ANKS1B: variants seen among roughly 807,000 people sequenced by gnomAD.
ANKS1B encodes ankyrin repeat and sterile alpha motif domain containing 1B, also known as ankyrin repeat and sterile alpha motif domain-containing protein 1B.
Under a neutral mutation model 148.3 loss-of-function variants are expected in ANKS1B, and 36 were observed. The ratio of observed to expected loss-of-function variants is 0.24; its 90% CI spans 0.19 to 0.32. The LOEUF (loss-of-function observed/expected upper bound fraction) is 0.32. ANKS1B is among the 10% of genes least tolerant of loss of function. The probability of loss-of-function intolerance (pLI) is 1.00; values close to 1 mark genes in which losing one functional copy is unlikely to be tolerated. For missense variants in ANKS1B, 1,157 were observed against 1,542.6 expected, an observed-to-expected ratio of 0.75 and a Z score of 4.19; for synonymous variants, 542 against 560.8, an observed-to-expected ratio of 0.97 and a Z score of 0.47.
At chr12:99,352,486 A>T (rs1474729638) in intron 12 of ANKS1B, among the ~76,000 whole-genome samples, 2 of 152,064 alleles carry the variant, frequency 1.3e-5, no homozygotes, top group African/African-American at 4.8e-5. Context: ...CACTGACTTG[A>T]GTTCTGGCAT....
chr12:99,293,564 A>G (rs1435955177), intron 12 of ANKS1B, among the ~76,000 whole-genome samples: 1 of 152,214 alleles, frequency 6.6e-6, no homozygotes, highest in Non-Finnish European at 1.5e-5. Flanking sequence ...ATTTCAAGCT[A>G]TGAAACTACT....
At chr12:98,839,129 T>C (rs2099391468) in intron 17 of ANKS1B, among the ~76,000 whole-genome samples, 1 of 152,252 alleles carries the variant, frequency 6.6e-6, no homozygotes, top group African/African-American at 2.4e-5. Flanking sequence ...CATTTGGTTC[T>C]TCTCTTACTC....
intron 1 of ANKS1B, among the ~76,000 whole-genome samples, chr12:99,864,135 T>A (rs1038710429): frequency 6.7e-6 from 1 of 149,978 alleles, no homozygotes; most frequent in African/African-American, 2.5e-5. Context: ...TGTTATGTAA[T>A]TCCATCCCAA....
At chr12:99,806,890 T>G (rs2067690375) in intron 3 of ANKS1B, among the ~76,000 whole-genome samples, 190 bp from the exon 4 acceptor site, 1 of 152,220 alleles carries the variant, frequency 6.6e-6, no homozygotes, top group Non-Finnish European at 1.5e-5. Flanking sequence ...AAAAAATTTT[T>G]TATATCACTT....
chr12:99,082,120 T>G (rs1260364956), intron 16 of ANKS1B, among the ~76,000 whole-genome samples: 1 of 152,156 alleles, frequency 6.6e-6, no homozygotes, highest in Non-Finnish European at 1.5e-5. Flanking sequence ...ACAGGTGCTA[T>G]TCTAGAGGCT....
At chr12:99,468,752 A>G (rs2096181816) in intron 10 of ANKS1B, among the ~76,000 whole-genome samples, 1 of 152,162 alleles carries the variant, frequency 6.6e-6, no homozygotes, top group Admixed American at 6.6e-5. Context: ...ACCATCTCAC[A>G]CCAGTTAGAA....
intron 15 of ANKS1B, among the ~76,000 whole-genome samples, chr12:99,110,184 T>C (rs1308487605): frequency 1.3e-5 from 2 of 152,174 alleles, no homozygotes; most frequent in African/African-American, 4.8e-5. Flanking sequence ...TGTTGTAAGA[T>C]AGATGAGAAA....
chr12:99,399,553 ACTC>A, intron 12 of ANKS1B, 75 bp downstream of exon 12: 1 of 1,459,968 alleles, frequency 6.8e-7, no homozygotes. Flanking sequence ...TTGTACGAAG[ACTC>A]CTCCTAATTC....
chr12:99,104,217 T>C (rs572562197), intron 15 of ANKS1B, among the ~76,000 whole-genome samples: 1 of 152,250 alleles, frequency 6.6e-6, no homozygotes, highest in Middle Eastern at 3.4e-3. Context: ...AAAGATCAAG[T>C]GAGGGCAAGT....
At chr12:99,558,968 G>A (rs1380168284) in intron 9 of ANKS1B, among the ~76,000 whole-genome samples, 1 of 152,062 alleles carries the variant, frequency 6.6e-6, no homozygotes, top group African/African-American at 2.4e-5. Context: ...GATTCTCAAA[G>A]TCCATGGCAA....
Position 99,384,024 on chromosome 12 carries a change from G to T in ANKS1B, c.1756+15607C>A, listed in dbSNP as rs543461383. Among the ~76,000 whole-genome samples the T allele has an allele frequency of 9.9e-5, 15 of 152,162 alleles. No homozygotes were observed. In the East Asian group the frequency reaches 2.7e-3, roughly 27 times the overall value. ...AGCCTGGGCAACACAGTGAGACCCT[G>T]TCTCAAAATAAGAGAGAAATTGCTG... On this transcript the variant is annotated intron_variant, in intron 12 of 26. Transcript: ENST00000683438.
rs1164058058 is a variant in ANKS1B, at chr12:99,097,316, T to A, written c.2527-12293A>T. 2.0e-5 allele frequency: 3 copies of A among 151,572 alleles called. No individual in the cohort carries two copies. In the East Asian group the frequency reaches 5.8e-4, roughly 29 times the overall value. 9.4% of individuals were successfully genotyped at this position (151,572 alleles called of 1,614,324 possible). ...CACCATAACACCAAAATGTTCTTAATTTTTTTTTCAGTTTTGCAAATTCTC... is the reference window on the plus strand; with the variant it reads ...CACCATAACACCAAAATGTTCTTAAATTTTTTTTCAGTTTTGCAAATTCTC... On this transcript the variant is annotated intron_variant, in intron 15 of 26. Transcript: ENST00000683438.
At chr12:99,559,204 CT>C (rs2097307625) in intron 9 of ANKS1B, among the ~76,000 whole-genome samples, 1 of 152,108 alleles carries the variant, frequency 6.6e-6, no homozygotes, top group South Asian at 2.1e-4. Context: ...AAAGATGTTC[CT>C]CCTAGTTGCA....
intron 12 of ANKS1B, among the ~76,000 whole-genome samples, chr12:99,292,824 T>G (rs1020303252): frequency 1.3e-5 from 2 of 152,156 alleles, no homozygotes. Context: ...CCAGTTAGAA[T>G]GGCAATCATT....
intron 10 of ANKS1B, among the ~76,000 whole-genome samples, chr12:99,451,796 T>C (rs2095742686): frequency 6.6e-6 from 1 of 151,976 alleles, no homozygotes; most frequent in South Asian, 2.1e-4. Flanking sequence ...CGTGTGTGTG[T>C]GTGTGTATGT....
At chr12:99,753,977 C>T (rs1485357656) in intron 8 of ANKS1B, among the ~76,000 whole-genome samples, 2 of 152,034 alleles carry the variant, frequency 1.3e-5, no homozygotes, top group South Asian at 2.1e-4. Context: ...GAGCCAAGAT[C>T]ACACCATTGC....
intron 17 of ANKS1B, among the ~76,000 whole-genome samples, chr12:98,990,913 CTT>C (rs60726040): frequency 0.29 from 43,396 of 151,956 alleles, 6,974 homozygotes; most frequent in African/African-American, 0.44. Flanking sequence ...ATTATGGTGT[CTT>C]TAGTTGGCTT....
chr12:99,179,662 C>T (rs1048086656), intron 14 of ANKS1B, among the ~76,000 whole-genome samples: 26 of 152,104 alleles, frequency 1.7e-4, no homozygotes, highest in Non-Finnish European at 3.2e-4. Flanking sequence ...GAGCAGACTC[C>T]TAATTATGTG....
intron 9 of ANKS1B, among the ~76,000 whole-genome samples, chr12:99,572,104 T>C (rs1359764655): frequency 6.6e-6 from 1 of 152,096 alleles, no homozygotes; most frequent in Non-Finnish European, 1.5e-5. Context: ...CTAAGCTCTA[T>C]GACCCTGGGC....
Sources: allele counts gnomAD v4.1 joint callset (sites outside exome capture counted in the v4.1 genomes callset), GRCh38; gene constraint gnomAD v4.1.1; transcripts MANE v1.5; gene names NCBI Gene and HGNC (gene_info 2026-07-23, HGNC 2026-07-21).